PCDHA9: variants seen among roughly 807,000 people sequenced by gnomAD.
PCDHA9 encodes the protein protocadherin alpha-9.
Under a neutral mutation model 62.0 loss-of-function variants are expected in PCDHA9, and 62 were observed. The observed-to-expected ratio is 1.00, with a 90% CI of 0.81 to 1.23. The LOEUF (loss-of-function observed/expected upper bound fraction) is 1.23, where lower values mean the gene tolerates loss of function less well. Among genes scored for constraint, PCDHA9 ranks in the 50% most tolerant of loss-of-function variants. The pLI is 0.00. For synonymous variants in PCDHA9, 557 were observed against 567.6 expected (o/e 0.98, Z 0.27); for missense variants, 1,205 against 1,249.8 (o/e 0.96, Z 0.54).
intron 1 of PCDHA9, chr5:140,865,753 A>T (rs894037976): frequency 2.6e-5 from 4 of 152,218 alleles, no homozygotes; most frequent in Admixed American, 1.3e-4. Flanking sequence ...CAGTGCCAGT[A>T]CATGGTGGAG....
At chr5:141,009,391 C>T (rs1006846075) in intron 3 of PCDHA9, among the ~76,000 whole-genome samples, 1 of 152,086 alleles carries the variant, frequency 6.6e-6, no homozygotes, top group Non-Finnish European at 1.5e-5. Context: ...CACAGGAGGT[C>T]GAGGCTGCAG....
intron 1 of PCDHA9, among the ~76,000 whole-genome samples, chr5:140,909,448 C>A (rs547019806): frequency 6.6e-6 from 1 of 152,284 alleles, no homozygotes; most frequent in South Asian, 2.1e-4. Context: ...TGTCATTCTC[C>A]AAGATCCATC....
chr5:140,874,192 T>C (rs1263028873), intron 1 of PCDHA9, among the ~76,000 whole-genome samples: 4 of 152,224 alleles, frequency 2.6e-5, no homozygotes, highest in African/African-American at 9.6e-5. Flanking sequence ...GGTGTCATAT[T>C]TCAGTTGCCT....
intron 3 of PCDHA9, among the ~76,000 whole-genome samples, chr5:141,000,496 C>T (rs1257530549): frequency 7.4e-6 from 1 of 134,362 alleles, no homozygotes; most frequent in Non-Finnish European, 1.5e-5. Context: ...GGTAAGATCT[C>T]GGCTCACTGC....
At chr5:140,952,185 T>C (rs1354216964) in intron 1 of PCDHA9, among the ~76,000 whole-genome samples, 1 of 152,010 alleles carries the variant, frequency 6.6e-6, no homozygotes, top group Non-Finnish European at 1.5e-5. Context: ...GCTGCTCTCA[T>C]GGGTTGGTGT....
intron 1 of PCDHA9, among the ~76,000 whole-genome samples, chr5:140,932,481 C>T (rs945796094): frequency 6.6e-6 from 1 of 151,842 alleles, no homozygotes; most frequent in African/African-American, 2.4e-5. Flanking sequence ...AGGATATCTC[C>T]TCTTTGCAAT....
chr5:140,937,790 T>G (rs2091754196), intron 1 of PCDHA9, among the ~76,000 whole-genome samples: 1 of 151,512 alleles, frequency 6.6e-6, no homozygotes, highest in Non-Finnish European at 1.5e-5. Flanking sequence ...CGGGCGTATG[T>G]AGTCCCAGCT....
chr5:140,927,015 G>A, intron 1 of PCDHA9: 1 of 1,612,466 alleles, frequency 6.2e-7, no homozygotes. Context: ...ATCTCTCCGC[G>A]GACTTGAGGC....
In PCDHA9 at chr5:140,987,075, G is replaced by A. The variant is rs564788093; in HGVS notation, c.2542+4512G>A. On this transcript the variant is annotated intron_variant, in intron 3 of 3. Coordinates refer to ENST00000532602, the MANE Select transcript of PCDHA9 (RefSeq NM_031857.2). ...CTAAAGTTACAAAAATGAGCTGGGC[G>A]TGGTGGCAGGTGCCTGTAATCCCAG... is the stretch of plus-strand genomic sequence containing the variant. Among the ~76,000 whole-genome samples the A allele has an allele frequency of 3.7e-4, 57 of 152,124 alleles. No individual in the cohort carries two copies. In the East Asian group the frequency reaches 9.9e-3, roughly 26 times the overall value.
intron 1 of PCDHA9, among the ~76,000 whole-genome samples, chr5:140,910,284 A>G (rs2153514340): frequency 6.6e-6 from 1 of 152,292 alleles, no homozygotes; most frequent in East Asian, 1.9e-4. Context: ...GAACACCATG[A>G]TTAATCAACA....
chr5:140,862,359 C>T (rs1364549064), intron 1 of PCDHA9: 3 of 337,738 alleles, frequency 8.9e-6, no homozygotes, highest in African/African-American at 4.3e-5. Flanking sequence ...AAGGGACAGA[C>T]GACCCGCACC....
In PCDHA9 at chr5:141,009,709, C is replaced by A; in HGVS notation, c.2625C>A (p.Asn875Lys). The A allele has an allele frequency of 6.2e-7, 1 of 1,614,118 alleles. No homozygotes were observed. Among genetic ancestry groups the A allele is most frequent in the Non-Finnish European group, 8.5e-7 (1 of 1,180,024 alleles). Reference sequence around the variant, plus strand: ...GGACCTTTAAATACGGACCAGGCAACCCCAAACAATCCGGTCCCGGTGAGT... The same window carrying A: ...GGACCTTTAAATACGGACCAGGCAAACCCAAACAATCCGGTCCCGGTGAGT... ...NSWTFKYGPG[N>K]PKQSGPGELP... is the part of the protein sequence containing the mutation. The change falls in exon 4 of 4, where the codon AAC (asparagine) becomes AAA (lysine). Residue 875 changes from asparagine (N) to lysine (K), a missense_variant. Physicochemically the swap from Asn to Lys is moderately conservative, Grantham distance 94. Transcript: ENST00000532602.
At chr5:140,876,361 C>T (rs1554168496) in intron 1 of PCDHA9, 1 of 1,613,880 alleles carries the variant, frequency 6.2e-7, no homozygotes. Flanking sequence ...TTCAATAAAT[C>T]CAGACACAGG....
At chr5:140,856,734 T>C in intron 1 of PCDHA9, 1 of 1,596,648 alleles carries the variant, frequency 6.3e-7, no homozygotes. Context: ...TCTCTGCTGA[T>C]CCTGGTGTTA....
intron 3 of PCDHA9, among the ~76,000 whole-genome samples, chr5:141,003,515 G>C (rs1402480495): frequency 1.3e-5 from 2 of 152,114 alleles, no homozygotes; most frequent in Admixed American, 6.5e-5. Flanking sequence ...GTTTCACCAT[G>C]TTCCCTAGGC....
intron 1 of PCDHA9, chr5:140,967,795 G>A (rs1399903836): frequency 3.1e-6 from 5 of 1,614,068 alleles, no homozygotes; most frequent in Non-Finnish European, 1.7e-6. Context: ...GGGGTCCAGT[G>A]CCCATGGCAG....
At chr5:140,875,844 G>A in intron 1 of PCDHA9, 1 of 1,614,178 alleles carries the variant, frequency 6.2e-7, no homozygotes, top group Non-Finnish European at 8.5e-7. Flanking sequence ...TGGAGGTGAA[G>A]GACATTAACG....
chr5:140,978,233 AT>A (rs1360475808), intron 1 of PCDHA9, among the ~76,000 whole-genome samples: 2 of 152,196 alleles, frequency 1.3e-5, no homozygotes, highest in African/African-American at 4.8e-5. Context: ...TTTTTCTTGG[AT>A]TTCAGCTACT....
chr5:140,958,162 C>A lies in PCDHA9; in HGVS notation c.2395-20787C>A, dbSNP rs574337485. Among the ~76,000 whole-genome samples the A allele has an allele frequency of 1.1e-4, 16 of 152,028 alleles. No homozygotes were observed. The South Asian group carries it at 3.3e-3, about 32-fold the overall frequency. Reference sequence around the variant, plus strand: ...ATATTTATATAGCATAGTCAAAAGCCTGGAGTGATATAAATTTTCTGTTAC... The same window carrying A: ...ATATTTATATAGCATAGTCAAAAGCATGGAGTGATATAAATTTTCTGTTAC... On this transcript the variant is annotated intron_variant, in intron 1 of 3. Coordinates refer to ENST00000532602, the MANE Select transcript of PCDHA9 (RefSeq NM_031857.2).
Sources: allele counts gnomAD v4.1 joint callset (sites outside exome capture counted in the v4.1 genomes callset), GRCh38; gene constraint gnomAD v4.1.1; transcripts MANE v1.5; gene names NCBI Gene and HGNC (gene_info 2026-07-23, HGNC 2026-07-21).